NCOA3: variants seen among roughly 807,000 people sequenced by gnomAD.
NCOA3 encodes the protein CBP-interacting protein.
Under a neutral mutation model 158.8 loss-of-function variants are expected in NCOA3, and 51 were observed. The ratio of observed to expected loss-of-function variants is 0.32; its 90% confidence interval spans 0.26 to 0.41. The LOEUF (loss-of-function observed/expected upper bound fraction) is 0.41, where lower values mean the gene tolerates loss of function less well. NCOA3 is among the 10% of genes least tolerant of loss of function. The pLI is 1.00. For synonymous variants in NCOA3, 537 were observed against 592.4 expected (o/e 0.91, Z 1.36); for missense variants, 1,510 against 1,746.6 (o/e 0.86, Z 2.41).
chr20:47,603,467 G>C (rs2085896424), intron 2 of NCOA3, among the ~76,000 whole-genome samples: 1 of 152,236 alleles, frequency 6.6e-6, no homozygotes, highest in South Asian at 2.1e-4. Context: ...GCCCAAGTAG[G>C]CATGTGTTAC....
chr20:47,636,344 T>G lies in NCOA3; in HGVS notation c.1958T>G (p.Val653Gly). 1 of 1,614,194 alleles carries G rather than the reference T, an allele frequency of 6.2e-7. No homozygotes were observed. The highest frequency in any genetic ancestry group is 1.1e-5 in the South Asian group (1 of 91,078). ...DSSCKESSVS[V>G]TSPSGVSSST... ...AGTTGTAAAGAATCTTCTGTTAGTG[T>G]CACCAGCCCCTCTGGAGTCTCCTCC... Residue 653 changes from valine (V) to glycine (G), a missense_variant, in exon 12 of 23, where the codon GTC becomes GGC. Coordinates refer to ENST00000371998, the MANE Select transcript of NCOA3 (RefSeq NM_181659.3).
chr20:47,538,721 A>T (rs2425952), intron 1 of NCOA3, among the ~76,000 whole-genome samples: 23,489 of 151,764 alleles, frequency 0.15, 2,846 homozygotes, highest in African/African-American at 0.33. Flanking sequence ...AATTTTTGTA[A>T]TTTTAGTAGA....
intron 2 of NCOA3, among the ~76,000 whole-genome samples, chr20:47,611,023 G>A (rs1295912054): frequency 1.3e-5 from 2 of 152,058 alleles, no homozygotes; most frequent in African/African-American, 2.4e-5. Context: ...TTTACTTAGT[G>A]TACCATGGTA....
At chr20:47,539,720 A>G (rs2084691675) in intron 1 of NCOA3, among the ~76,000 whole-genome samples, 1 of 152,174 alleles carries the variant, frequency 6.6e-6, no homozygotes, top group African/African-American at 2.4e-5. Flanking sequence ...AGAACACAAC[A>G]TTATTTTACG....
intron 1 of NCOA3, among the ~76,000 whole-genome samples, chr20:47,553,865 G>T (rs1021634075): frequency 1.3e-5 from 2 of 152,150 alleles, no homozygotes; most frequent in Non-Finnish European, 2.9e-5. Context: ...ACATATGTGT[G>T]CATGTGTCTT....
chr20:47,636,280 C>T lies in NCOA3; in HGVS notation c.1894C>T (p.Arg632Trp), dbSNP rs1172968588. The T allele has an allele frequency of 6.2e-6, 10 of 1,614,122 alleles. No homozygotes were observed. Among genetic ancestry groups the T allele is most frequent in the African/African-American group, 2.7e-5 (2 of 74,992 alleles). ...GTTACTTACCTGTTCTTCTGATGAC[C>T]GGGGTCATTCCTCCTTGACCAACTC... ...LQLLTCSSDD[R>W]GHSSLTNSPL... The change falls in exon 12 of 23, where the codon CGG (arginine) becomes TGG (tryptophan). Residue 632 changes from arginine (R) to tryptophan (W), a missense_variant. This residue lies in a region of NCOA3 where 1,017 missense variants were observed against 1,098.3 expected (regional missense o/e 0.93). Transcript: ENST00000371998.
intron 1 of NCOA3, among the ~76,000 whole-genome samples, chr20:47,540,464 TGA>T (rs1343999544): frequency 2.0e-5 from 3 of 151,254 alleles, no homozygotes; most frequent in South Asian, 2.1e-4. Context: ...TCCGGCTACT[TGA>T]GAGGCTGAGG....
In NCOA3 at chr20:47,628,033, C is replaced by CA. The variant is rs1568737433; in HGVS notation, c.823+10_823+11insA. The CA allele has an allele frequency of 1.0e-4, 163 of 1,588,064 alleles. No homozygotes were observed. Among genetic ancestry groups the CA allele is most frequent in the Non-Finnish European group, 1.4e-4 (161 of 1,156,796 alleles). Reference sequence around the variant, plus strand: ...AGACATGATCTTTCAGGTAAAAACTCTTTTTTTGTCTCTCTCTCTCTCTGT... The same window carrying CA: ...AGACATGATCTTTCAGGTAAAAACTCATTTTTTTGTCTCTCTCTCTCTCTGT... On this transcript the variant is annotated intron_variant, in intron 8 of 22. Transcript: ENST00000371998.
At position 47,653,003 on chromosome 20, in the gene NCOA3, C is replaced by G. The variant is rs767925632; in HGVS notation, c.4194C>G (p.Ser1398Arg). The G allele has an allele frequency of 9.3e-6, 15 of 1,614,174 alleles. No individual in the cohort carries two copies. In the Middle Eastern group the frequency reaches 1.6e-3, roughly 178 times the overall value. The part of the protein sequence containing the change: ...AVYSMVHMNG[S>R]SGHMGQMNMN... ...ATAGTATGGTGCACATGAATGGCAG[C>G]AGTGGTCACATGGGACAGATGAACA... Residue 1398 changes from serine (S) to arginine (R), a missense_variant, in exon 22 of 23, where the codon AGC (serine) becomes AGG (arginine). By Grantham distance (110) the Ser-to-Arg change is moderately radical. Coordinates refer to ENST00000371998, the MANE Select transcript of NCOA3 (RefSeq NM_181659.3).
intron 1 of NCOA3, among the ~76,000 whole-genome samples, chr20:47,561,568 C>G (rs1489261668): frequency 6.6e-6 from 1 of 151,584 alleles, no homozygotes; most frequent in Admixed American, 6.6e-5. Context: ...ATCCTCTTGC[C>G]TCAGCTTCCC....
At chr20:47,578,312 A>C (rs1013504671) in intron 1 of NCOA3, among the ~76,000 whole-genome samples, 3 of 151,958 alleles carry the variant, frequency 2.0e-5, no homozygotes, top group Admixed American at 2.0e-4. Context: ...CGGCCTCCCG[A>C]GTAGCTGGAA....
At chr20:47,617,028 C>T (rs538516112) in intron 2 of NCOA3, among the ~76,000 whole-genome samples, 2 of 152,258 alleles carry the variant, frequency 1.3e-5, no homozygotes, top group East Asian at 3.9e-4. Flanking sequence ...GGTCTTGGCT[C>T]ACTGGCAACT....
chr20:47,534,639 A>T (rs2084603255), intron 1 of NCOA3, among the ~76,000 whole-genome samples: 1 of 152,188 alleles, frequency 6.6e-6, no homozygotes, highest in African/African-American at 2.4e-5. Context: ...TTTGGGCCAG[A>T]TGAGCTGGTT....
chr20:47,646,943 C>T (rs2086694678), intron 17 of NCOA3, 130 bp from the exon 18 acceptor site: 1 of 744,962 alleles, frequency 1.3e-6, no homozygotes, highest in African/African-American at 1.8e-5. Context: ...GAAGTGATGC[C>T]TGGCACATAA....
rs2083940092 is a variant in NCOA3 at position 47,502,034 on chromosome 20, A to G, written c.-99+15A>G. 5.0e-6 allele frequency: 2 copies of G among 398,934 alleles called. No homozygotes were observed. Among genetic ancestry groups the G allele is most frequent in the Non-Finnish European group, 8.8e-6 (2 of 226,260 alleles). 24.7% of individuals were successfully genotyped at this position (398,934 alleles called of 1,614,324 possible). On this transcript the variant is annotated intron_variant, in intron 1 of 22. Transcript: ENST00000371998. ...GGCGGCGGGAGGTGAGTGGAGATAA[A>G]GGAGGAGGCGGTGGCGGGCGAGGGG...
At chr20:47,587,047 C>T (rs886678805) in intron 2 of NCOA3, among the ~76,000 whole-genome samples, 7 of 152,176 alleles carry the variant, frequency 4.6e-5, no homozygotes, top group Admixed American at 4.6e-4. Flanking sequence ...GATTTAGCAT[C>T]CATTGACTCT....
intron 1 of NCOA3, among the ~76,000 whole-genome samples, chr20:47,566,079 T>C (rs929867782): frequency 1.1e-4 from 17 of 152,150 alleles, no homozygotes; most frequent in Admixed American, 9.8e-4. Flanking sequence ...GTTCAAGCGA[T>C]TTCTGGCTAA....
At chr20:47,615,005 T>C (rs576623846) in intron 2 of NCOA3, among the ~76,000 whole-genome samples, 11 of 152,162 alleles carry the variant, frequency 7.2e-5, no homozygotes, top group Admixed American at 1.3e-4. Context: ...TGGTGGGGAA[T>C]AAAATGCCCA....
chr20:47,652,570 G>T lies in NCOA3; in HGVS notation c.4111G>T (p.Ala1371Ser). The change falls in exon 21 of 23, where the codon GCC becomes TCC. Residue 1371 changes from alanine to serine, a missense_variant. Around this residue, in one of 4 missense-constraint regions of NCOA3, gnomAD observed 180 missense variants for 199.3 expected, o/e 0.90. Coordinates refer to ENST00000371998, the MANE Select transcript of NCOA3 (RefSeq NM_181659.3). The stretch of plus-strand genomic sequence containing the variant: ...GAAGGGCTGGCCATCAGGAAATTTG[G>T]CCAGGAACAGGTAAAGAACAGTGAC... The part of the protein sequence containing the change: ...EMKGWPSGNL[A>S]RNSSFSQQQF... The T allele has an allele frequency of 1.9e-6, 3 of 1,607,882 alleles. No individual in the cohort carries two copies. Among genetic ancestry groups the T allele is most frequent in the Non-Finnish European group, 2.6e-6 (3 of 1,174,820 alleles).
Sources: allele counts gnomAD v4.1 joint callset (sites outside exome capture counted in the v4.1 genomes callset), GRCh38; gene constraint gnomAD v4.1.1; regional missense constraint gnomAD v4.1.1; transcripts MANE v1.5; gene names NCBI Gene and HGNC (gene_info 2026-07-23, HGNC 2026-07-21).